HHAT: variants seen among roughly 807,000 people sequenced by gnomAD.
The protein encoded by HHAT is hedgehog acyltransferase.
Under a neutral mutation model 70.8 loss-of-function variants are expected in HHAT, and 47 were observed. The ratio of observed to expected loss-of-function variants is 0.66; its 90% CI spans 0.53 to 0.85. The LOEUF (loss-of-function observed/expected upper bound fraction) is 0.85. HHAT is among the 40% of genes least tolerant of loss of function. The pLI, the probability that HHAT is intolerant of heterozygous loss-of-function variation, is 0.00. For missense variants in HHAT, 609 were observed against 604.8 expected, an observed-to-expected ratio of 1.01 and a Z score of -0.07; for synonymous variants, 228 against 247.6, an observed-to-expected ratio of 0.92 and a Z score of 0.74.
chr1:210,626,474 A>T (rs1669861636), intron 11 of HHAT, among the ~76,000 whole-genome samples: 1 of 152,118 alleles, frequency 6.6e-6, no homozygotes. Flanking sequence ...GGCTTTTTCT[A>T]TGTCAGTGAT....
rs183157993 is a variant in HHAT, at chr1:210,401,374, C to A, written c.468+712C>A. Among the ~76,000 whole-genome samples the A allele has an allele frequency of 3.6e-3, 545 of 152,292 alleles. 5 individuals are homozygous for A. The highest frequency in any genetic ancestry group is 0.013 in the African/African-American group (525 of 41,570). On this transcript the variant is annotated intron_variant, in intron 5 of 11. Transcript: ENST00000261458. ...TGTGATCTGCCCACCTTGGCCTCCCCAAAGTGCTGGGATTACAGGTATAAG... is the reference window on the plus strand; with the variant it reads ...TGTGATCTGCCCACCTTGGCCTCCCAAAAGTGCTGGGATTACAGGTATAAG...
chr1:210,455,246 C>T lies in HHAT; in HGVS notation c.857-9259C>T, dbSNP rs1483080574. On this transcript the variant is annotated intron_variant, in intron 7 of 11. Transcript: ENST00000261458. ...TGCCCTTTATAGCAGAAAAAGGTATCTCTCATTGTGCCTGTGCTTCTTTGA... is the reference window on the plus strand; with the variant it reads ...TGCCCTTTATAGCAGAAAAAGGTATTTCTCATTGTGCCTGTGCTTCTTTGA... Among the ~76,000 whole-genome samples, 5 of 152,278 alleles carry T rather than the reference C, an allele frequency of 3.3e-5. No individual in the cohort carries two copies. The East Asian group carries it at 9.7e-4, about 29-fold the overall frequency.
chr1:210,375,982 G>T (rs1326882291), intron 3 of HHAT, among the ~76,000 whole-genome samples: 1 of 151,402 alleles, frequency 6.6e-6, no homozygotes, highest in Non-Finnish European at 1.5e-5. Context: ...CAAGAAGCTG[G>T]GATTACAGGC....
chr1:210,499,363 G>A (rs1049782130), intron 8 of HHAT, among the ~76,000 whole-genome samples: 8 of 152,186 alleles, frequency 5.3e-5, no homozygotes, highest in African/African-American at 1.7e-4. Flanking sequence ...GTGGCCGGGT[G>A]TCATGGCTCA....
intron 3 of HHAT, among the ~76,000 whole-genome samples, chr1:210,370,745 G>C (rs1319890493): frequency 6.6e-6 from 1 of 151,410 alleles, no homozygotes; most frequent in African/African-American, 2.4e-5. Context: ...CTCCCGAGTA[G>C]CTGGGACTAC....
intron 2 of HHAT, among the ~76,000 whole-genome samples, chr1:210,354,287 C>G (rs1468263589): frequency 6.9e-6 from 1 of 145,682 alleles, no homozygotes; most frequent in Non-Finnish European, 1.5e-5. Context: ...TCACTGTAAC[C>G]TCTGCCTCCT....
chr1:210,616,671 C>T (rs1667813110), intron 10 of HHAT, among the ~76,000 whole-genome samples: 1 of 152,156 alleles, frequency 6.6e-6, no homozygotes, highest in Admixed American at 6.5e-5. Context: ...AGGGAATCCG[C>T]ACTGCCACAC....
chr1:210,572,272 C>T (rs1485476642), intron 9 of HHAT, among the ~76,000 whole-genome samples: 6 of 152,196 alleles, frequency 3.9e-5, no homozygotes, highest in South Asian at 4.2e-4. Context: ...GATTTCAGTC[C>T]GGAGAGGGAG....
At chr1:210,556,296 C>T (rs149859802) in intron 9 of HHAT, among the ~76,000 whole-genome samples, 1 of 152,140 alleles carries the variant, frequency 6.6e-6, no homozygotes, top group East Asian at 1.9e-4. Context: ...CAAACAGAAC[C>T]TTCCATCATT....
chr1:210,528,469 C>G (rs1431675232), intron 9 of HHAT, among the ~76,000 whole-genome samples: 1 of 152,074 alleles, frequency 6.6e-6, no homozygotes, highest in African/African-American at 2.4e-5. Context: ...TAAGCAATAG[C>G]CTGGAAATGA....
chr1:210,461,036 A>G (rs1321952191), intron 7 of HHAT, among the ~76,000 whole-genome samples: 2 of 152,246 alleles, frequency 1.3e-5, no homozygotes, highest in Non-Finnish European at 2.9e-5. Flanking sequence ...AGAAAATCTT[A>G]TACATACAAA....
intron 9 of HHAT, among the ~76,000 whole-genome samples, chr1:210,553,822 C>T (rs969039221): frequency 1.3e-5 from 2 of 152,186 alleles, no homozygotes; most frequent in African/African-American, 4.8e-5. Flanking sequence ...CTCTTCCTCT[C>T]CCTGTATGGT....
At chr1:210,636,923 G>A (rs761230954) in intron 11 of HHAT, among the ~76,000 whole-genome samples, 10 of 152,146 alleles carry the variant, frequency 6.6e-5, no homozygotes, top group Non-Finnish European at 1.3e-4. Context: ...GTGTAGGATG[G>A]TAGTGGAGGA....
At chr1:210,433,867 T>C (rs2093314328) in intron 7 of HHAT, among the ~76,000 whole-genome samples, 1 of 152,024 alleles carries the variant, frequency 6.6e-6, no homozygotes, top group Non-Finnish European at 1.5e-5. Flanking sequence ...TCCTGAGCAC[T>C]GCCTGGGCAG....
intron 8 of HHAT, among the ~76,000 whole-genome samples, chr1:210,498,775 T>TC (rs1491539769): frequency 9.6e-5 from 2 of 20,910 alleles, no homozygotes; most frequent in Admixed American, 7.3e-4. Context: ...TTTTTTTTTC[T>TC]TTTTTTTTTT....
intron 11 of HHAT, among the ~76,000 whole-genome samples, chr1:210,641,975 A>G (rs561418353): frequency 6.6e-6 from 1 of 152,334 alleles, no homozygotes; most frequent in South Asian, 2.1e-4. Context: ...TAACAATTTT[A>G]CATGTGTAAA....
At chr1:210,660,726 A>G (rs1293832777) in intron 11 of HHAT, among the ~76,000 whole-genome samples, 1 of 152,180 alleles carries the variant, frequency 6.6e-6, no homozygotes, top group African/African-American at 2.4e-5. Context: ...GATATAGACC[A>G]ATGGAACAGA....
At chr1:210,421,409 T>A (rs1405334101) in intron 7 of HHAT, among the ~76,000 whole-genome samples, 1 of 152,170 alleles carries the variant, frequency 6.6e-6, no homozygotes, top group Non-Finnish European at 1.5e-5. Flanking sequence ...ACTAATAAGT[T>A]TGAGCATCTT....
chr1:210,511,394 C>T (rs2094949399), intron 8 of HHAT, among the ~76,000 whole-genome samples: 1 of 152,068 alleles, frequency 6.6e-6, no homozygotes, highest in South Asian at 2.1e-4. Context: ...ATGCTGTGTC[C>T]ATTGTCTGTA....
Sources: gnomAD v4.1 joint callset for allele counts (sites outside exome capture counted in the v4.1 genomes callset) on GRCh38, gnomAD v4.1.1 for gene constraint, MANE v1.5 for transcripts, NCBI Gene and HGNC (gene_info 2026-07-23, HGNC 2026-07-21) for gene names.